The following MYO3B variants were observed in gnomAD, a reference collection of about 807,000 sequenced individuals.
MYO3B encodes the protein myosin-IIIb.
Under a neutral mutation model 174.6 loss-of-function variants are expected in MYO3B, and 156 were observed. The ratio of observed to expected loss-of-function variants is 0.89; its 90% CI spans 0.78 to 1.02. The LOEUF (loss-of-function observed/expected upper bound fraction) is 1.02. Ranked by LOEUF, MYO3B falls within the 50% of genes least tolerant of loss-of-function variation. The probability of loss-of-function intolerance (pLI) is 0.00; values close to 1 mark genes in which losing one functional copy is unlikely to be tolerated. For synonymous variants in MYO3B, 563 were observed against 569.1 expected (o/e 0.99, Z 0.15); for missense variants, 1,632 against 1,639.4 (o/e 1.00, Z 0.08).
At chr2:170,397,310 T>A (rs543338351) in intron 16 of MYO3B, among the ~76,000 whole-genome samples, 37 of 152,286 alleles carry the variant, frequency 2.4e-4, no homozygotes, top group African/African-American at 8.9e-4. Flanking sequence ...TGAGTAATGT[T>A]TATAGGAAGT....
intron 23 of MYO3B, among the ~76,000 whole-genome samples, chr2:170,462,442 C>G (rs1290088144): frequency 1.3e-5 from 2 of 152,226 alleles, no homozygotes; most frequent in African/African-American, 4.8e-5. Context: ...AGGCAAGCCT[C>G]TTTATTCACC....
chr2:170,313,183 A>G lies in MYO3B; in HGVS notation c.750-22202A>G, dbSNP rs370696341. On this transcript the variant is annotated intron_variant, in intron 7 of 34. Coordinates refer to ENST00000408978, the MANE Select transcript of MYO3B (RefSeq NM_138995.5). ...TGAAGTTGGCCTGCCTGGGTTGTTC[A>G]CCTTAATACTTAACATCCTTGAGAT... Among the ~76,000 whole-genome samples the G allele has an allele frequency of 2.6e-4, 39 of 152,266 alleles. No individual in the cohort carries two copies. The East Asian group carries it at 3.7e-3, about 14-fold the overall frequency.
At chr2:170,391,656 A>G (rs764047560) in intron 15 of MYO3B, 38 bp downstream of exon 15, 1 of 1,172,402 alleles carries the variant, frequency 8.5e-7, no homozygotes, top group South Asian at 1.4e-5. Flanking sequence ...TTTTTGATGA[A>G]TGTACGATTA....
intron 25 of MYO3B, among the ~76,000 whole-genome samples, chr2:170,490,003 T>C (rs578126684): frequency 4.6e-5 from 7 of 152,006 alleles, no homozygotes; most frequent in Non-Finnish European, 1.0e-4. Context: ...TTACAAATTA[T>C]ATTTTTTCAT....
chr2:170,580,625 G>A (rs1396889668), intron 32 of MYO3B, among the ~76,000 whole-genome samples: 7 of 152,000 alleles, frequency 4.6e-5, no homozygotes, highest in African/African-American at 1.7e-4. Context: ...GTGACAGAGC[G>A]AGATCCGTCT....
At chr2:170,572,757 A>C (rs531424613) in intron 32 of MYO3B, among the ~76,000 whole-genome samples, 50 of 152,204 alleles carry the variant, frequency 3.3e-4, no homozygotes, top group Non-Finnish European at 4.0e-4. Flanking sequence ...TTTTGAAATA[A>C]TTTTAACAAA....
At chr2:170,648,895 A>C (rs1698623059) in intron 32 of MYO3B, among the ~76,000 whole-genome samples, 2 of 71,504 alleles carry the variant, frequency 2.8e-5, no homozygotes, top group South Asian at 1.1e-3. Flanking sequence ...ATTATATATG[A>C]AATAGTATAT....
intron 32 of MYO3B, among the ~76,000 whole-genome samples, chr2:170,636,090 G>C (rs2105412668): frequency 6.6e-6 from 1 of 152,286 alleles, no homozygotes; most frequent in South Asian, 2.1e-4. Flanking sequence ...TATTGGATAT[G>C]AGCTGTGCCC....
At chr2:170,636,183 G>A (rs1697455098) in intron 32 of MYO3B, among the ~76,000 whole-genome samples, 1 of 152,128 alleles carries the variant, frequency 6.6e-6, no homozygotes, top group Admixed American at 6.5e-5. Context: ...AAGTATAAGA[G>A]TTTGTTGGCC....
At chr2:170,438,945 T>C (rs1461947443) in intron 22 of MYO3B, among the ~76,000 whole-genome samples, 2 of 151,964 alleles carry the variant, frequency 1.3e-5, no homozygotes, top group Non-Finnish European at 2.9e-5. Context: ...GATGAGGTAA[T>C]ATTTCATCTC....
At chr2:170,343,030 A>AACACACACACACAC (rs56221872) in intron 8 of MYO3B, among the ~76,000 whole-genome samples, 2 of 135,926 alleles carry the variant, frequency 1.5e-5, no homozygotes, top group African/African-American at 2.8e-5. Context: ...TCGGGCCTCT[A>AACACACACACACAC]ACACACACAC....
chr2:170,293,658 A>G (rs1385678010), intron 7 of MYO3B, among the ~76,000 whole-genome samples: 2 of 152,164 alleles, frequency 1.3e-5, no homozygotes, highest in African/African-American at 2.4e-5. Context: ...TATGACTGCA[A>G]TTGTGTCTGA....
At chr2:170,586,956 A>G (rs1693529216) in intron 32 of MYO3B, among the ~76,000 whole-genome samples, 1 of 152,222 alleles carries the variant, frequency 6.6e-6, no homozygotes, top group African/African-American at 2.4e-5. Context: ...CTCAACTAAA[A>G]GCTTTGGAAC....
At chr2:170,199,870 T>C (rs2105336712) in intron 2 of MYO3B, among the ~76,000 whole-genome samples, 1 of 152,336 alleles carries the variant, frequency 6.6e-6, no homozygotes, top group East Asian at 1.9e-4. Context: ...ATAAAAAAGA[T>C]ATTTATGATA....
chr2:170,305,396 A>G (rs887492668), intron 7 of MYO3B, among the ~76,000 whole-genome samples: 3 of 152,224 alleles, frequency 2.0e-5, no homozygotes, highest in Admixed American at 6.5e-5. Context: ...TCCCCCCAAA[A>G]TGTTTCTGCC....
At chr2:170,455,459 C>T (rs1683853297) in intron 23 of MYO3B, among the ~76,000 whole-genome samples, 1 of 152,150 alleles carries the variant, frequency 6.6e-6, no homozygotes, top group Non-Finnish European at 1.5e-5. Flanking sequence ...CAGATATAGG[C>T]ATGGCCATCT....
chr2:170,473,143 T>C (rs1194897135), intron 25 of MYO3B, among the ~76,000 whole-genome samples: 2 of 108,980 alleles, frequency 1.8e-5, no homozygotes, highest in African/African-American at 4.9e-5. Context: ...TCTTTTCTTT[T>C]TTTTTTTTTT....
At chr2:170,228,064 G>C (rs2092971314) in intron 6 of MYO3B, among the ~76,000 whole-genome samples, 1 of 152,192 alleles carries the variant, frequency 6.6e-6, no homozygotes, top group African/African-American at 2.4e-5. Flanking sequence ...AGGGAAGTGA[G>C]AGGCGGCAGG....
At chr2:170,192,418 T>C (rs1023312824) in intron 1 of MYO3B, among the ~76,000 whole-genome samples, 13 of 151,290 alleles carry the variant, frequency 8.6e-5, no homozygotes, top group African/African-American at 2.9e-4. Context: ...GAATTTCTTA[T>C]GCATCTTTTT....
Sources: allele counts gnomAD v4.1 joint callset (sites outside exome capture counted in the v4.1 genomes callset), GRCh38; gene constraint gnomAD v4.1.1; transcripts MANE v1.5; gene names NCBI Gene and HGNC (gene_info 2026-07-23, HGNC 2026-07-21).